The following ZNF536 variants were observed in gnomAD, a reference collection of about 807,000 sequenced individuals.
ZNF536 encodes zinc finger protein 536.
A neutral mutation model predicts 84.5 loss-of-function variants in ZNF536; 13 were observed. The observed-to-expected ratio is 0.15, with a 90% CI of 0.10 to 0.24. ZNF536 has a LOEUF of 0.24. ZNF536 is among the 10% of genes least tolerant of loss of function. The pLI is 1.00. For synonymous variants in ZNF536, 811 were observed against 742.5 expected, an observed-to-expected ratio of 1.09 and a Z score of -1.50; for missense variants, 1,536 against 1,747.5, an observed-to-expected ratio of 0.88 and a Z score of 2.16.
At chr19:30,481,258 G>A (rs1346322647) in intron 2 of ZNF536, among the ~76,000 whole-genome samples, 1 of 152,078 alleles carries the variant, frequency 6.6e-6, no homozygotes, top group Non-Finnish European at 1.5e-5. Flanking sequence ...GTGTATACAT[G>A]TACTTGTATG....
At chr19:30,702,514 A>G (rs2052028555) in intron 1 of ZNF536, among the ~76,000 whole-genome samples, 1 of 152,138 alleles carries the variant, frequency 6.6e-6, no homozygotes, top group Non-Finnish European at 1.5e-5. Flanking sequence ...CTGGATAAAG[A>G]TAGATGGGGA....
intron 1 of ZNF536, among the ~76,000 whole-genome samples, chr19:30,701,080 T>C (rs1371478163): frequency 1.3e-5 from 2 of 152,160 alleles, no homozygotes; most frequent in African/African-American, 4.8e-5. Context: ...GTAGAGATAT[T>C]TTGTGATCCC....
intron 1 of ZNF536, among the ~76,000 whole-genome samples, chr19:30,376,960 T>A (rs970379891): frequency 2.0e-5 from 3 of 152,212 alleles, no homozygotes; most frequent in Admixed American, 6.5e-5. Context: ...TTTGCAGGCC[T>A]CTGCTACTTG....
intron 2 of ZNF536, among the ~76,000 whole-genome samples, chr19:30,327,552 C>G (rs2047079531): frequency 1.3e-5 from 2 of 152,256 alleles, no homozygotes; most frequent in South Asian, 4.1e-4. Context: ...ACAAAAGTCA[C>G]ATGACATTTG....
intron 1 of ZNF536, among the ~76,000 whole-genome samples, chr19:30,674,197 G>A (rs963762098): frequency 6.6e-6 from 1 of 152,196 alleles, no homozygotes; most frequent in Admixed American, 6.5e-5. Flanking sequence ...TGGGATAGGG[G>A]CCTGGGTGGA....
intron 2 of ZNF536, among the ~76,000 whole-genome samples, chr19:30,336,815 A>G (rs1373293889): frequency 6.6e-6 from 1 of 152,178 alleles, no homozygotes; most frequent in Non-Finnish European, 1.5e-5. Flanking sequence ...TTCATATTCA[A>G]TTATGAATGA....
chr19:30,293,722 A>G (rs1467265704), intron 2 of ZNF536, among the ~76,000 whole-genome samples: 1 of 152,168 alleles, frequency 6.6e-6, no homozygotes, highest in African/African-American at 2.4e-5. Flanking sequence ...TGATAATGTG[A>G]TCGGCATGTT....
intron 1 of ZNF536, among the ~76,000 whole-genome samples, chr19:30,648,683 C>T (rs564309586): frequency 2.0e-5 from 3 of 152,250 alleles, no homozygotes; most frequent in East Asian, 1.9e-4. Context: ...CATAGAAGTG[C>T]GTGAAATTTG....
At chr19:30,619,123 TG>T (rs376804381) in intron 1 of ZNF536, among the ~76,000 whole-genome samples, 3 of 152,328 alleles carry the variant, frequency 2.0e-5, no homozygotes, top group African/African-American at 7.2e-5. Context: ...CCCCATTTTT[TG>T]TGTGACTTTT....
At chr19:30,384,149 T>C (rs1426457888) in intron 1 of ZNF536, among the ~76,000 whole-genome samples, 1 of 123,026 alleles carries the variant, frequency 8.1e-6, no homozygotes, top group Admixed American at 8.9e-5. Context: ...TCTTTCTTTC[T>C]TTCTTTCTTT....
intron 2 of ZNF536, among the ~76,000 whole-genome samples, chr19:30,344,426 G>C (rs1272064318): frequency 8.0e-6 from 1 of 125,782 alleles, no homozygotes; most frequent in African/African-American, 3.1e-5. Context: ...GGCAACAAGA[G>C]TGAAACTCCA....
chr19:30,247,025 C>G (rs995025811), intron 1 of ZNF536, among the ~76,000 whole-genome samples: 2 of 152,208 alleles, frequency 1.3e-5, no homozygotes, highest in Non-Finnish European at 2.9e-5. Flanking sequence ...GGGAGTCCCA[C>G]GTCCCCTGGG....
At position 30,323,900 on chromosome 19, in the gene ZNF536, C is replaced by T. The variant is rs539129180; in HGVS notation, c.-119-28468C>T. Among the ~76,000 whole-genome samples, 8 of 152,172 alleles carry T rather than the reference C, an allele frequency of 5.3e-5. No homozygotes were observed. The East Asian group carries it at 9.7e-4, about 18-fold the overall frequency. On this transcript the variant is annotated intron_variant, in intron 2 of 5. Transcript: ENST00000585628. The stretch of plus-strand genomic sequence containing the variant: ...CTGTCTTCCCCTCAGTCAACCTGAC[C>T]ATCCCTCTTTCCCATTTTCTCTCCC...
At chr19:30,430,864 T>TG (rs2147971682) in intron 1 of ZNF536, among the ~76,000 whole-genome samples, 1 of 152,270 alleles carries the variant, frequency 6.6e-6, no homozygotes, top group African/African-American at 2.4e-5. Context: ...TCAGTAGAAA[T>TG]GGGGTTTCAC....
chr19:30,524,020 G>A (rs566018452), intron 2 of ZNF536, among the ~76,000 whole-genome samples: 11 of 152,334 alleles, frequency 7.2e-5, no homozygotes, highest in South Asian at 6.2e-4. Flanking sequence ...TGCACTCCAC[G>A]GAGGGGCATT....
At chr19:30,419,827 C>T (rs2050877955) in intron 1 of ZNF536, among the ~76,000 whole-genome samples, 1 of 152,228 alleles carries the variant, frequency 6.6e-6, no homozygotes, top group Non-Finnish European at 1.5e-5. Flanking sequence ...GGACTCCCAA[C>T]ACGTCCTCTG....
At chr19:30,591,184 G>A (rs990926190) in intron 1 of ZNF536, among the ~76,000 whole-genome samples, 67 of 152,318 alleles carry the variant, frequency 4.4e-4, no homozygotes, top group African/African-American at 1.6e-3. Context: ...TTCTTATATA[G>A]CAATGGTTAT....
chr19:30,257,672 G>GAATACTGGGGCCTTGAATGCT (rs2024980837), intron 1 of ZNF536, among the ~76,000 whole-genome samples: 1 of 152,198 alleles, frequency 6.6e-6, no homozygotes, highest in African/African-American at 2.4e-5. Context: ...CAGTGTTGGA[G>GAATACTGGGGCCTTGAATGCT]AATACTGGGG....
In ZNF536 at chr19:30,402,823, A is replaced by ATATATATATATATATATAT. The variant is rs71171802; in HGVS notation, c.-3+30267_-3+30268insTATATATATATATATATAT. 2.6e-3 allele frequency among the ~76,000 whole-genome samples: 364 copies of ATATATATATATATATATAT among 138,034 alleles called. 1 individual carries two copies. The highest frequency in any genetic ancestry group is 3.9e-3 in the Non-Finnish European group (243 of 62,538). The allele number at this position is 138,034 out of a possible 152,430, so 90.6% of individuals were successfully genotyped here. A position where few individuals can be genotyped will look rare whatever the true frequency, so the allele number is the denominator to read the frequency against. On this transcript the variant is annotated intron_variant, in intron 1 of 4. Transcript: ENST00000355537. Reference sequence around the variant, plus strand: ...TATATATATATATATATATATATATAATTTTCAAAAATTTGATTTAAACTA... The same window carrying ATATATATATATATATATAT: ...TATATATATATATATATATATATATATATATATATATATATATATATTTTCAAAAATTTGATTTAAACTA...
Sources: allele counts gnomAD v4.1 joint callset (sites outside exome capture counted in the v4.1 genomes callset), GRCh38; gene constraint gnomAD v4.1.1; transcripts MANE v1.5; gene names NCBI Gene and HGNC (gene_info 2026-07-23, HGNC 2026-07-21).